The following COL13A1 variants were observed in gnomAD, a reference collection of about 807,000 sequenced individuals.
The protein encoded by COL13A1 is collagen type XIII alpha 1 chain.
COL13A1 carries 89 observed loss-of-function variants against 130.9 expected under a neutral mutation model. The observed-to-expected ratio is 0.68, with a 90% CI of 0.57 to 0.81. The LOEUF is 0.81. Among genes scored for constraint, COL13A1 ranks in the 30% least tolerant of loss-of-function variants. The probability of loss-of-function intolerance (pLI) is 0.00; values close to 1 mark genes in which losing one functional copy is unlikely to be tolerated. For missense variants in COL13A1, 879 were observed against 934.6 expected (o/e 0.94, Z 0.78); for synonymous variants, 402 against 341.6 (o/e 1.18, Z -1.95).
At chr10:69,874,262 G>A (rs561751328) in intron 4 of COL13A1, among the ~76,000 whole-genome samples, 11 of 152,282 alleles carry the variant, frequency 7.2e-5, no homozygotes, top group African/African-American at 2.2e-4. Flanking sequence ...GTTAGCAGAC[G>A]CAGAGTCACC....
intron 1 of COL13A1, among the ~76,000 whole-genome samples, chr10:69,803,929 C>A (rs1840758455): frequency 1.3e-5 from 2 of 152,122 alleles, no homozygotes; most frequent in Non-Finnish European, 2.9e-5. Context: ...CTCAGCTGCC[C>A]CTGCCAGGCT....
At chr10:69,810,347 T>TGAGAGAGAGAGAGAGAGAGAGAGA (rs55816117) in intron 1 of COL13A1, among the ~76,000 whole-genome samples, 11 of 119,794 alleles carry the variant, frequency 9.2e-5, no homozygotes, top group African/African-American at 1.5e-4. Context: ...GCCCTGAGAA[T>TGAGAGAGAGAGAGAGAGAGAGAGA]GAGAGAGAGA....
At chr10:69,834,284 C>T (rs144421463) in intron 2 of COL13A1, among the ~76,000 whole-genome samples, 3 of 152,306 alleles carry the variant, frequency 2.0e-5, no homozygotes, top group Non-Finnish European at 2.9e-5. Flanking sequence ...TGGTTCTTAA[C>T]AGGTCACAGT....
intron 2 of COL13A1, among the ~76,000 whole-genome samples, chr10:69,839,905 G>A (rs1031108003): frequency 6.6e-6 from 1 of 152,164 alleles, no homozygotes; most frequent in Non-Finnish European, 1.5e-5. Context: ...CCACAGGAAG[G>A]TTTTAGGAGG....
At chr10:69,890,799 G>C (rs942243712) in intron 10 of COL13A1, among the ~76,000 whole-genome samples, 1 of 152,214 alleles carries the variant, frequency 6.6e-6, no homozygotes, top group African/African-American at 2.4e-5. Flanking sequence ...TTGCATGACT[G>C]TCTCAATCCT....
intron 30 of COL13A1, among the ~76,000 whole-genome samples, chr10:69,930,796 T>C (rs549790899): frequency 6.6e-6 from 1 of 152,350 alleles, no homozygotes; most frequent in East Asian, 1.9e-4. Context: ...AGCCACTCAC[T>C]GTTGCAGAGT....
chr10:69,830,230 T>C lies in COL13A1; in HGVS notation c.364+7792T>C, dbSNP rs578001891. Reference sequence around the variant, plus strand: ...ATAAAGCAGCTCCCTTCCTAGGCACTTCTGAGAGAAATGCTCGTCTGTGCG... The same window carrying C: ...ATAAAGCAGCTCCCTTCCTAGGCACCTCTGAGAGAAATGCTCGTCTGTGCG... On this transcript the variant is annotated intron_variant, in intron 2 of 40. Transcript: ENST00000645393. 2.0e-5 allele frequency among the ~76,000 whole-genome samples: 3 copies of C among 152,340 alleles called. No individual in the cohort carries two copies. The East Asian group carries it at 5.8e-4, about 29-fold the overall frequency.
chr10:69,900,717 G>A lies in COL13A1; in HGVS notation c.750+1955G>A, dbSNP rs115714877. On this transcript the variant is annotated intron_variant, in intron 14 of 40. Transcript: ENST00000645393. ...ATGTGCTTAGCAGATGGTGTTGGAC[G>A]TCATTTCCAAAGAGCAGAAAGTGTA... is the stretch of plus-strand genomic sequence containing the variant. Among the ~76,000 whole-genome samples, 816 of 152,358 alleles carry A rather than the reference G, an allele frequency of 5.4e-3. 7 individuals carry two copies. Among genetic ancestry groups the A allele is most frequent in the African/African-American group, 0.019 (781 of 41,584 alleles).
intron 23 of COL13A1, among the ~76,000 whole-genome samples, chr10:69,922,995 AGAG>A (rs2064882122): frequency 6.6e-6 from 1 of 152,218 alleles, no homozygotes; most frequent in Non-Finnish European, 1.5e-5. Flanking sequence ...TTGACCTTTC[AGAG>A]GAGATGTCTT....
chr10:69,831,350 G>A (rs2132934855), intron 2 of COL13A1, among the ~76,000 whole-genome samples: 1 of 152,328 alleles, frequency 6.6e-6, no homozygotes, highest in East Asian at 1.9e-4. Flanking sequence ...GTGCTCTGAA[G>A]CGCCCTTGCT....
chr10:69,925,847 A>G lies in COL13A1; in HGVS notation c.1373A>G (p.Asn458Ser). Residue 458 changes from asparagine to serine, a missense_variant, in exon 26 of 41, where the codon AAT becomes AGT. Around this residue, in one of 3 missense-constraint regions of COL13A1, gnomAD observed 715 missense variants for 721.0 expected, o/e 0.99. Transcript: ENST00000645393. ...GGGAAAGGAGAGATGGTGGATTACAATGGAAACATCAATGAGGCTCTCCAG... is the reference window on the plus strand; with the variant it reads ...GGGAAAGGAGAGATGGTGGATTACAGTGGAAACATCAATGAGGCTCTCCAG... ...EPGKGEMVDY[N>S]GNINEALQEI... The G allele has an allele frequency of 6.2e-7, 1 of 1,600,018 alleles. No individual in the cohort carries two copies. The highest frequency in any genetic ancestry group is 8.5e-7 in the Non-Finnish European group (1 of 1,173,414).
At chr10:69,853,099 C>T (rs1218052758) in intron 2 of COL13A1, among the ~76,000 whole-genome samples, 1 of 152,196 alleles carries the variant, frequency 6.6e-6, no homozygotes, top group Non-Finnish European at 1.5e-5. Context: ...GATAACACAG[C>T]CTGGTCTCCC....
intron 18 of COL13A1, 125 bp downstream of exon 18, chr10:69,917,458 G>A: frequency 1.2e-6 from 1 of 829,866 alleles, no homozygotes; most frequent in Non-Finnish European, 1.9e-6. Context: ...GCCTGCCCTG[G>A]TTCTCCCAGC....
Position 69,930,098 on chromosome 10 carries a change from A to G in COL13A1, c.1530+11A>G. 6.2e-7 allele frequency: 1 copy of G among 1,613,570 alleles called. No homozygotes were observed. The highest frequency in any genetic ancestry group is 8.5e-7 in the Non-Finnish European group (1 of 1,179,638). On this transcript the variant is annotated intron_variant, in intron 29 of 40. Coordinates refer to ENST00000645393, the MANE Select transcript of COL13A1 (RefSeq NM_001368882.1). The stretch of plus-strand genomic sequence containing the variant: ...CACGATGGGGAAAAGGTATGAACAG[A>G]CGTCCTCTGGTCAAACCTCTGAAGA...
intron 5 of COL13A1, among the ~76,000 whole-genome samples, chr10:69,876,864 C>G (rs1456583592): frequency 6.6e-6 from 1 of 152,160 alleles, no homozygotes; most frequent in Admixed American, 6.5e-5. Context: ...AGGAGCCTCT[C>G]CCCTGAGTGC....
At chr10:69,854,153 C>T (rs887345313) in intron 2 of COL13A1, among the ~76,000 whole-genome samples, 4 of 152,194 alleles carry the variant, frequency 2.6e-5, no homozygotes, top group African/African-American at 7.2e-5. Flanking sequence ...CTGTGCAGCC[C>T]GGGCCTCAAT....
intron 1 of COL13A1, among the ~76,000 whole-genome samples, chr10:69,811,606 G>A (rs146964085): frequency 5.3e-4 from 80 of 152,024 alleles, no homozygotes; most frequent in African/African-American, 1.9e-3. Context: ...AGCCTCACCC[G>A]ACTCCATAGA....
chr10:69,865,083 C>T (rs1200452559), intron 2 of COL13A1, among the ~76,000 whole-genome samples: 1 of 141,808 alleles, frequency 7.1e-6, no homozygotes, highest in African/African-American at 2.5e-5. Flanking sequence ...ATGGTGTGCT[C>T]TGTTAGGAAG....
chr10:69,919,742 A>T lies in COL13A1; in HGVS notation c.1089+15A>T, dbSNP rs2064383666. Reference sequence around the variant, plus strand: ...GGGGGCAGAGGGTAGGATATCGTGTATTTGAGTGTGTGCCCCTTCATCCTA... The same window carrying T: ...GGGGGCAGAGGGTAGGATATCGTGTTTTTGAGTGTGTGCCCCTTCATCCTA... On this transcript the variant is annotated intron_variant, in intron 21 of 40. Transcript: ENST00000645393. 5.0e-6 allele frequency: 2 copies of T among 398,582 alleles called. No homozygotes were observed. The highest frequency in any genetic ancestry group is 8.8e-6 in the Non-Finnish European group (2 of 226,146). The allele number at this position is 398,582 out of a possible 1,614,324, so 24.7% of individuals were successfully genotyped here.
Sources: gnomAD v4.1 joint callset for allele counts (sites outside exome capture counted in the v4.1 genomes callset) on GRCh38, gnomAD v4.1.1 for gene constraint, gnomAD v4.1.1 regional missense constraint, MANE v1.5 for transcripts, NCBI Gene and HGNC (gene_info 2026-07-23, HGNC 2026-07-21) for gene names.